The following SYNPR variants were observed in gnomAD, a reference collection of about 807,000 sequenced individuals.
SYNPR encodes synaptoporin.
A neutral mutation model predicts 32.9 loss-of-function variants in SYNPR; 23 were observed. The observed-to-expected ratio is 0.70, with a 90% CI of 0.50 to 0.99. SYNPR has a LOEUF of 0.99. Among genes scored for constraint, SYNPR ranks in the 50% least tolerant of loss-of-function variants. The pLI is 0.00. For synonymous variants in SYNPR, 146 were observed against 135.9 expected (o/e 1.07, Z -0.52); for missense variants, 318 against 349.3 (o/e 0.91, Z 0.71).
At chr3:63,333,118 T>C (rs760260198) in intron 2 of SYNPR, among the ~76,000 whole-genome samples, 1 of 136,596 alleles carries the variant, frequency 7.3e-6, no homozygotes, top group African/African-American at 2.6e-5. Context: ...CAAAAACAGG[T>C]TTTTTTTCTT....
chr3:63,338,403 C>T (rs777617279), intron 2 of SYNPR, among the ~76,000 whole-genome samples: 1 of 152,138 alleles, frequency 6.6e-6, no homozygotes, highest in African/African-American at 2.4e-5. Flanking sequence ...CTAGCTTTCT[C>T]GATCATCTTG....
intron 2 of SYNPR, among the ~76,000 whole-genome samples, chr3:63,283,333 AG>A (rs2086647401): frequency 8.3e-6 from 1 of 120,680 alleles, no homozygotes. Flanking sequence ...TCCAGCCTTG[AG>A]GGGAAAGCTT....
intron 3 of SYNPR, among the ~76,000 whole-genome samples, chr3:63,483,405 T>G (rs993349335): frequency 6.6e-5 from 10 of 152,128 alleles, no homozygotes; most frequent in African/African-American, 1.9e-4. Context: ...AATTTTAAAT[T>G]TATGCACCTA....
intron 4 of SYNPR, among the ~76,000 whole-genome samples, chr3:63,585,821 T>C (rs538548893): frequency 1.3e-5 from 2 of 152,080 alleles, no homozygotes; most frequent in African/African-American, 2.4e-5. Flanking sequence ...TTATTTCAAC[T>C]GAGGAAATAA....
intron 2 of SYNPR, among the ~76,000 whole-genome samples, chr3:63,316,985 T>G (rs1457295393): frequency 6.6e-6 from 1 of 152,066 alleles, no homozygotes; most frequent in Non-Finnish European, 1.5e-5. Context: ...GATTTCATTT[T>G]TGACCCAGTG....
Position 63,278,682 on chromosome 3 carries a change from C to G in SYNPR, c.24C>G (p.Ala8=). 1 of 1,551,716 alleles carries G rather than the reference C, an allele frequency of 6.4e-7. No individual in the cohort carries two copies. The highest frequency in any genetic ancestry group is 8.7e-7 in the Non-Finnish European group (1 of 1,146,996). Residue 8 remains alanine, a synonymous_variant, in exon 2 of 6, where the codon GCC becomes GCG. Coordinates refer to ENST00000478300, the MANE Select transcript of SYNPR (RefSeq NM_001130003.2). The part of the protein sequence containing the change: MDPVSQL[A]SAGTFRVLKE... Reference sequence around the variant, plus strand: ...CTCGCCTCATTCCCCCAAAGCTGGCCTCTGCGGGCACCTTCCGGGTGCTGA... The same window carrying G: ...CTCGCCTCATTCCCCCAAAGCTGGCGTCTGCGGGCACCTTCCGGGTGCTGA...
intron 2 of SYNPR, among the ~76,000 whole-genome samples, chr3:63,425,929 T>A (rs926133297): frequency 6.6e-5 from 10 of 151,976 alleles, no homozygotes; most frequent in Admixed American, 1.3e-4. Flanking sequence ...ATTACAGGCA[T>A]GCGCCACCAC....
At chr3:63,594,481 C>T (rs987390461) in intron 4 of SYNPR, among the ~76,000 whole-genome samples, 1 of 152,098 alleles carries the variant, frequency 6.6e-6, no homozygotes, top group Non-Finnish European at 1.5e-5. Flanking sequence ...TGAGCCTAAA[C>T]AATCATGGCC....
chr3:63,287,586 G>C (rs1001228012), intron 2 of SYNPR, among the ~76,000 whole-genome samples: 2 of 152,088 alleles, frequency 1.3e-5, no homozygotes, highest in Non-Finnish European at 2.9e-5. Context: ...CCAACATCAG[G>C]GACATCGGCA....
intron 3 of SYNPR, among the ~76,000 whole-genome samples, chr3:63,538,243 C>T (rs1293390006): frequency 2.6e-5 from 4 of 151,960 alleles, no homozygotes; most frequent in African/African-American, 9.7e-5. Context: ...ACAAAACAAA[C>T]CCTGAACAAC....
chr3:63,579,687 T>G (rs1440950120), intron 4 of SYNPR, among the ~76,000 whole-genome samples: 1 of 152,090 alleles, frequency 6.6e-6, no homozygotes. Flanking sequence ...GTTGGTGTTT[T>G]TATATGGTCC....
chr3:63,268,689 G>T (rs2086510878), intron 3 of SYNPR, among the ~76,000 whole-genome samples: 1 of 121,644 alleles, frequency 8.2e-6, no homozygotes, highest in South Asian at 2.3e-4. Context: ...AGGAGGGGTT[G>T]ATCTTGCTGT....
At chr3:63,442,779 T>C (rs1161163779) in intron 2 of SYNPR, among the ~76,000 whole-genome samples, 1 of 152,164 alleles carries the variant, frequency 6.6e-6, no homozygotes, top group Non-Finnish European at 1.5e-5. Context: ...TACATCACCT[T>C]AATGATTATT....
At chr3:63,359,772 C>T (rs1451251221) in intron 2 of SYNPR, among the ~76,000 whole-genome samples, 1 of 152,160 alleles carries the variant, frequency 6.6e-6, no homozygotes, top group East Asian at 1.9e-4. Flanking sequence ...GTCAAGTTTC[C>T]TAACATCTCT....
chr3:63,252,788 C>G (rs1364719954), intron 2 of SYNPR, among the ~76,000 whole-genome samples: 1 of 152,134 alleles, frequency 6.6e-6, no homozygotes, highest in Non-Finnish European at 1.5e-5. Context: ...TGCCTGTAAT[C>G]TTAGCACGTT....
At position 63,588,100 on chromosome 3, in the gene SYNPR, A is replaced by T. The variant is rs147112324; in HGVS notation, c.409-21025A>T. Among the ~76,000 whole-genome samples, 66 of 152,220 alleles carry T rather than the reference A, an allele frequency of 4.3e-4. No individual in the cohort carries two copies. The East Asian group carries it at 9.8e-3, about 23-fold the overall frequency. On this transcript the variant is annotated intron_variant, in intron 4 of 5. Coordinates refer to ENST00000478300, the MANE Select transcript of SYNPR (RefSeq NM_001130003.2). ...TATCTGCCATTGTATGGAGAAAAAA[A>T]CTTTGTTGTGTTATCTGTTTTTTAA... is the stretch of plus-strand genomic sequence containing the variant.
intron 3 of SYNPR, among the ~76,000 whole-genome samples, chr3:63,508,047 C>T (rs888520937): frequency 1.3e-5 from 2 of 152,122 alleles, no homozygotes; most frequent in Middle Eastern, 3.4e-3. Context: ...TTAATGATAT[C>T]GTCAACATTC....
chr3:63,223,261 G>C, the SYNPR span, among the ~76,000 whole-genome samples: 21 of 147,420 alleles, frequency 1.4e-4, 1 homozygote, highest in Middle Eastern at 0.01. Flanking sequence ...AGTGATAGGA[G>C]CAAGCCCTCA....
intron 2 of SYNPR, among the ~76,000 whole-genome samples, chr3:63,390,204 C>T (rs9861638): frequency 0.061 from 9,303 of 152,202 alleles, 759 homozygotes; most frequent in African/African-American, 0.18. Flanking sequence ...GTGCCTGTTG[C>T]CTATTTTTGA....
Sources: allele counts gnomAD v4.1 joint callset (sites outside exome capture counted in the v4.1 genomes callset), GRCh38; gene constraint gnomAD v4.1.1; transcripts MANE v1.5; gene names NCBI Gene and HGNC (gene_info 2026-07-23, HGNC 2026-07-21).